Variants in MED1 observed in about 807,000 individuals in gnomAD.
The protein encoded by MED1 is mediator of RNA polymerase II transcription subunit 1.
In MED1, 17 loss-of-function variants were observed where a neutral mutation model predicts 121.3. The observed-to-expected ratio is 0.14, with a 90% CI of 0.10 to 0.21. The LOEUF (loss-of-function observed/expected upper bound fraction) is 0.21. MED1 is among the 10% of genes least tolerant of loss of function. The pLI, the probability that MED1 is intolerant of heterozygous loss-of-function variation, is 1.00. For synonymous variants in MED1, 661 were observed against 694.4 expected (o/e 0.95, Z 0.76); for missense variants, 1,558 against 1,919.4 (o/e 0.81, Z 3.52).
intron 6 of MED1, among the ~76,000 whole-genome samples, chr17:39,438,313 G>A (rs1441885066): frequency 6.7e-6 from 1 of 148,166 alleles, no homozygotes; most frequent in Non-Finnish European, 1.5e-5. Context: ...TGGGATTACA[G>A]GTACCCACCA....
In MED1 at chr17:39,406,781, A is replaced by G; in HGVS notation, c.*694T>C. 3 of 985,592 alleles carry G rather than the reference A, an allele frequency of 3.0e-6. No individual in the cohort carries two copies. The highest frequency in any genetic ancestry group is 2.4e-6 in the Non-Finnish European group (2 of 829,940). The allele number at this position is 985,592 out of a possible 1,614,324, so 61.1% of individuals were successfully genotyped here. A position where few individuals can be genotyped will look rare whatever the true frequency, so the allele number is the denominator to read the frequency against. ...CACAAGCTATAAGCTCCCTACCACC[A>G]TATAAGCCTTGCTCTTCGGCCTTCC... On this transcript the variant is annotated 3_prime_UTR_variant, in exon 17 of 17. Transcript: ENST00000300651.
chr17:39,447,394 T>TAAA (rs11416466), intron 2 of MED1, among the ~76,000 whole-genome samples: 70 of 143,456 alleles, frequency 4.9e-4, no homozygotes, highest in African/African-American at 1.7e-3. Context: ...TCCGTCTCAA[T>TAAA]AAAAAAAAAA....
rs752092178 is a variant in MED1, at chr17:39,408,987, G to A, written c.3234C>T (p.Ser1078=). 5.0e-6 allele frequency: 8 copies of A among 1,614,188 alleles called. No homozygotes were observed. The highest frequency in any genetic ancestry group is 1.6e-4 in the Middle Eastern group (1 of 6,062). ...PKGTVMVGKP[S]SHSQYTSSGS... ...CACTGCTGGTATACTGACTGTGAGA[G>A]GAAGGCTTGCCCACCATCACTGTTC... Residue 1078 remains serine (S), a synonymous_variant, in exon 17 of 17, where the codon TCC becomes TCT. Transcript: ENST00000300651. The surrounding 1 kb of genome is among the most constrained non-coding windows in gnomAD (Gnocchi z 4.7).
At chr17:39,431,861 A>C in intron 8 of MED1, 81 bp downstream of exon 8, 7 of 920,268 alleles carry the variant, frequency 7.6e-6, no homozygotes, top group Non-Finnish European at 1.2e-5. Context: ...CAGGCTTAAT[A>C]GAGATGTATA....
At chr17:39,436,424 A>G (rs374493627) in intron 6 of MED1, among the ~76,000 whole-genome samples, 1 of 151,770 alleles carries the variant, frequency 6.6e-6, no homozygotes, top group East Asian at 1.9e-4. Context: ...TATTTCCTCA[A>G]TGTGAACACT....
intron 14 of MED1, among the ~76,000 whole-genome samples, chr17:39,417,292 T>C (rs1385633636): frequency 1.3e-5 from 2 of 149,954 alleles, no homozygotes; most frequent in Admixed American, 6.7e-5. Context: ...ATCACACCAC[T>C]GCACTCCAGC....
intron 9 of MED1, 150 bp from the exon 10 acceptor site, chr17:39,427,940 G>C: frequency 1.8e-6 from 1 of 560,708 alleles, no homozygotes; most frequent in Non-Finnish European, 3.1e-6. Flanking sequence ...AAATATGGCA[G>C]GTGTGGTGAC....
At chr17:39,449,183 T>C (rs564733781) in intron 1 of MED1, among the ~76,000 whole-genome samples, 2 of 152,154 alleles carry the variant, frequency 1.3e-5, no homozygotes, top group South Asian at 2.1e-4. Flanking sequence ...GCTGAGACTA[T>C]AGCTAATTTT....
intron 16 of MED1, among the ~76,000 whole-genome samples, chr17:39,411,904 G>A (rs1049723726): frequency 2.0e-5 from 3 of 151,816 alleles, no homozygotes; most frequent in African/African-American, 7.3e-5. Context: ...CAACTACTTG[G>A]GAGGCTGAGG....
intron 7 of MED1, among the ~76,000 whole-genome samples, chr17:39,433,306 C>G (rs1174834000): frequency 6.6e-6 from 1 of 150,652 alleles, no homozygotes; most frequent in Non-Finnish European, 1.5e-5. Context: ...GAGGTGGAGG[C>G]TGCAGTGAGC....
Position 39,423,832 on chromosome 17 carries a change from A to C in MED1, c.852-11T>G, listed in dbSNP as rs764363546. ...GAGAAGGAAGGGGTCCTTCAAAAAA[A>C]AGAGGGTGGAAGGGTTGGATTCTGA... On this transcript the variant is annotated splice_polypyrimidine_tract_variant and intron_variant, in intron 11 of 16. Coordinates refer to ENST00000300651, the MANE Select transcript of MED1 (RefSeq NM_004774.4). The C allele has an allele frequency of 6.3e-7, 1 of 1,594,598 alleles. No individual in the cohort carries two copies. The highest frequency in any genetic ancestry group is 8.5e-7 in the Non-Finnish European group (1 of 1,173,928).
intron 1 of MED1, among the ~76,000 whole-genome samples, chr17:39,449,395 G>A (rs1446098583): frequency 1.3e-5 from 2 of 152,076 alleles, no homozygotes; most frequent in African/African-American, 4.8e-5. Context: ...TGTCTAGGCT[G>A]GTCTCCAACT....
intron 13 of MED1, among the ~76,000 whole-genome samples, chr17:39,422,707 C>G (rs1239568050): frequency 6.6e-6 from 1 of 151,604 alleles, no homozygotes; most frequent in Admixed American, 6.6e-5. Context: ...AACTCCTGAT[C>G]TCTAGTGACC....
intron 9 of MED1, among the ~76,000 whole-genome samples, chr17:39,430,579 G>C (rs2048556185): frequency 6.6e-6 from 1 of 151,714 alleles, no homozygotes; most frequent in Non-Finnish European, 1.5e-5. Flanking sequence ...TGTAGTCCCA[G>C]CTACCCTGGA....
At chr17:39,411,474 T>C (rs1464845052) in intron 16 of MED1, among the ~76,000 whole-genome samples, 1 of 150,300 alleles carries the variant, frequency 6.7e-6, no homozygotes, top group Non-Finnish European at 1.5e-5. Context: ...TACAAAAAAT[T>C]AGCCAGCCGT....
chr17:39,415,342 A>G lies in MED1; in HGVS notation c.1298-3T>C. 6.2e-7 allele frequency: 1 copy of G among 1,606,510 alleles called. No individual in the cohort carries two copies. On this transcript the variant is annotated splice_polypyrimidine_tract_variant and splice_region_variant and intron_variant, in intron 14 of 16. Transcript: ENST00000300651. ...AAATTGGAGAAGCCCAGGAGAATCT[A>G]AAAGGCAAAGAGAAAGATCATAAAA...
intron 14 of MED1, among the ~76,000 whole-genome samples, chr17:39,417,399 C>T (rs1396158016): frequency 6.6e-6 from 1 of 151,150 alleles, no homozygotes; most frequent in African/African-American, 2.4e-5. Context: ...GAGGCTCAGG[C>T]GGGCAGATCA....
chr17:39,441,337 G>A (rs927535578), intron 3 of MED1, among the ~76,000 whole-genome samples: 2 of 152,158 alleles, frequency 1.3e-5, no homozygotes, highest in African/African-American at 4.8e-5. Context: ...CAGAATGTAA[G>A]CTTGGGAAGA....
At chr17:39,438,810 A>C (rs2048644775) in intron 6 of MED1, among the ~76,000 whole-genome samples, 1 of 152,126 alleles carries the variant, frequency 6.6e-6, no homozygotes, top group Non-Finnish European at 1.5e-5. Flanking sequence ...TTAGCTGGGC[A>C]TGGTGGCACA....
Sources: gnomAD v4.1 joint callset for allele counts (sites outside exome capture counted in the v4.1 genomes callset) on GRCh38, gnomAD v4.1.1 for gene constraint, Gnocchi (gnomAD v3.1) non-coding constraint, MANE v1.5 for transcripts, NCBI Gene and HGNC (gene_info 2026-07-23, HGNC 2026-07-21) for gene names.